TTC39C: variants seen among roughly 807,000 people sequenced by gnomAD.
TTC39C encodes tetratricopeptide repeat domain 39C, also known as tetratricopeptide repeat protein 39C.
Under a neutral mutation model 76.3 loss-of-function variants are expected in TTC39C, and 33 were observed. That is an observed-to-expected ratio of 0.43 (90% confidence interval 0.33 to 0.58). The LOEUF (loss-of-function observed/expected upper bound fraction) is 0.58. Among genes scored for constraint, TTC39C ranks in the 20% least tolerant of loss-of-function variants. TTC39C has a pLI of 0.04. For synonymous variants in TTC39C, 254 were observed against 260.6 expected, an observed-to-expected ratio of 0.97 and a Z score of 0.24; for missense variants, 595 against 701.4, an observed-to-expected ratio of 0.85 and a Z score of 1.71.
At chr18:24,128,335 A>G (rs775946487) in intron 10 of TTC39C, among the ~76,000 whole-genome samples, 1 of 151,790 alleles carries the variant, frequency 6.6e-6, no homozygotes, top group Non-Finnish European at 1.5e-5. Context: ...ATCAGCTTCT[A>G]TTCTTCACAT....
chr18:24,076,519 C>T (rs998730614), intron 4 of TTC39C, among the ~76,000 whole-genome samples: 4 of 151,878 alleles, frequency 2.6e-5, no homozygotes, highest in African/African-American at 9.7e-5. Flanking sequence ...GTTCTCGGTG[C>T]TGCATTCTCC....
At chr18:24,104,688 T>TTGTGTCTGTG (rs2084723093) in intron 6 of TTC39C, among the ~76,000 whole-genome samples, 1 of 144,738 alleles carries the variant, frequency 6.9e-6, no homozygotes, top group African/African-American at 2.6e-5. Flanking sequence ...AGCAGGGTGT[T>TTGTGTCTGTG]TGTGTGTGTG....
chr18:24,086,597 G>A (rs887242719), intron 6 of TTC39C, among the ~76,000 whole-genome samples: 2 of 152,146 alleles, frequency 1.3e-5, no homozygotes, highest in Admixed American at 6.5e-5. Context: ...GGTGAGGTCC[G>A]TTTGCACCCC....
chr18:24,040,117 C>T (rs974847399), intron 1 of TTC39C, among the ~76,000 whole-genome samples: 1 of 152,058 alleles, frequency 6.6e-6, no homozygotes, highest in Non-Finnish European at 1.5e-5. Context: ...TGATTGGGAC[C>T]GTGATTGGGA....
intron 1 of TTC39C, among the ~76,000 whole-genome samples, chr18:24,061,327 C>A (rs537300172): frequency 6.6e-6 from 1 of 150,954 alleles, no homozygotes; most frequent in East Asian, 1.9e-4. Context: ...TATTTGGGTT[C>A]TAATGCTTAT....
chr18:24,113,933 G>A (rs1329426303), intron 6 of TTC39C: 1 of 477,578 alleles, frequency 2.1e-6, no homozygotes, highest in Non-Finnish European at 3.8e-6. Flanking sequence ...AGTGTCGGGA[G>A]AGGAGATTTG....
intron 6 of TTC39C, among the ~76,000 whole-genome samples, chr18:24,109,176 C>CAAAAAAAAAAAAAAAAA (rs35872928): frequency 1.1e-4 from 8 of 73,874 alleles, no homozygotes; most frequent in African/African-American, 3.6e-4. Context: ...CCCGTCTCTA[C>CAAAAAAAAAAAAAAAAA]AAAAAAAAAA....
chr18:24,025,881 G>C (rs559427397), intron 1 of TTC39C, among the ~76,000 whole-genome samples: 1 of 152,320 alleles, frequency 6.6e-6, no homozygotes, highest in Admixed American at 6.5e-5. Context: ...CACAGCTGTG[G>C]CTGAAGGAGA....
chr18:24,131,221 A>AG (rs2085125537), intron 12 of TTC39C, among the ~76,000 whole-genome samples: 1 of 150,872 alleles, frequency 6.6e-6, no homozygotes, highest in Admixed American at 6.6e-5. Flanking sequence ...AAAAAAAAAA[A>AG]AAAAGTTTAT....
chr18:24,047,007 G>A lies in TTC39C; in HGVS notation c.168-17133G>A, dbSNP rs541863652. ...CAGCTCTGTAGTACATAGAATGTTA[G>A]CATGACATTCATATTCTGCCCTGCT... On this transcript the variant is annotated intron_variant, in intron 1 of 13. Transcript: ENST00000317571. Among the ~76,000 whole-genome samples the A allele has an allele frequency of 7.3e-4, 111 of 151,902 alleles. 3 individuals are homozygous for A. Among genetic ancestry groups the A allele is most frequent in the Admixed American group, 3.6e-3 (55 of 15,268 alleles).
intron 1 of TTC39C, among the ~76,000 whole-genome samples, chr18:24,039,124 T>C (rs1341450404): frequency 6.6e-6 from 1 of 152,194 alleles, no homozygotes; most frequent in African/African-American, 2.4e-5. Flanking sequence ...CATGCACCTG[T>C]AAGGTGGGTA....
intron 6 of TTC39C, among the ~76,000 whole-genome samples, chr18:24,111,363 G>T (rs762572217): frequency 9.9e-5 from 15 of 152,050 alleles, no homozygotes; most frequent in Non-Finnish European, 1.6e-4. Context: ...GAGGTCAGGA[G>T]TTCGAGACCA....
rs558141653 is a variant in TTC39C, at chr18:24,015,807, A to G, written c.167+769A>G. Among the ~76,000 whole-genome samples the G allele has an allele frequency of 2.0e-3, 310 of 152,386 alleles. 2 individuals are homozygous for G. Among genetic ancestry groups the G allele is most frequent in the African/African-American group, 7.2e-3 (301 of 41,592 alleles). Reference sequence around the variant, plus strand: ...TTTTTATTTGTCTTTTAAAAAATAAAGCGAAAGAACTGAAACCTGGTAGTT... The same window carrying G: ...TTTTTATTTGTCTTTTAAAAAATAAGGCGAAAGAACTGAAACCTGGTAGTT... On this transcript the variant is annotated intron_variant, in intron 1 of 13. Transcript: ENST00000317571.
chr18:24,066,037 A>G lies in TTC39C; in HGVS notation c.242A>G (p.Glu81Gly), dbSNP rs905891514. The change falls in exon 3 of 14, where the codon GAA becomes GGA. Residue 81 changes from glutamate (E) to glycine (G), a missense_variant. Transcript: ENST00000317571. ...AATGCCATGATGACATTTGAGGAAGAAAAAATGCAGTTGGCATGTGATGAC... is the reference window on the plus strand; with the variant it reads ...AATGCCATGATGACATTTGAGGAAGGAAAAATGCAGTTGGCATGTGATGAC... ...FLNAMMTFEE[E>G]KMQLACDDLK... 1.9e-6 allele frequency: 3 copies of G among 1,598,660 alleles called. No homozygotes were observed. Among genetic ancestry groups the G allele is most frequent in the African/African-American group, 2.7e-5 (2 of 73,758 alleles).
chr18:24,082,843 G>T (rs1162490523), intron 5 of TTC39C, 70 bp from the exon 6 acceptor site: 6 of 1,480,182 alleles, frequency 4.1e-6, no homozygotes, highest in Admixed American at 2.1e-5. Flanking sequence ...AACACATACT[G>T]GAGTTTTGAA....
intron 7 of TTC39C, among the ~76,000 whole-genome samples, chr18:24,117,456 C>T (rs1306635600): frequency 6.6e-6 from 1 of 152,092 alleles, no homozygotes; most frequent in African/African-American, 2.4e-5. Context: ...AATCCCAGCA[C>T]TTTGGGAGGC....
At chr18:24,103,348 A>G (rs556359061) in intron 6 of TTC39C, among the ~76,000 whole-genome samples, 31 of 152,348 alleles carry the variant, frequency 2.0e-4, no homozygotes, top group Admixed American at 1.0e-3. Context: ...AGTCATTCAC[A>G]GTAGGCACTG....
chr18:24,043,755 A>C (rs1005987780), intron 1 of TTC39C, among the ~76,000 whole-genome samples: 22 of 152,244 alleles, frequency 1.4e-4, no homozygotes, highest in African/African-American at 5.1e-4. Flanking sequence ...AAAGTCCCTG[A>C]GCAAAGGCAC....
intron 1 of TTC39C, among the ~76,000 whole-genome samples, chr18:24,053,637 T>C (rs986242938): frequency 6.6e-6 from 1 of 152,206 alleles, no homozygotes; most frequent in Admixed American, 6.5e-5. Context: ...TCTTATCCAT[T>C]GATTGTTGCC....
Sources: allele counts gnomAD v4.1 joint callset (sites outside exome capture counted in the v4.1 genomes callset), GRCh38; gene constraint gnomAD v4.1.1; transcripts MANE v1.5; gene names NCBI Gene and HGNC (gene_info 2026-07-23, HGNC 2026-07-21).